Variants in KITLG observed in about 807,000 individuals in gnomAD.
KITLG encodes KIT ligand.
A neutral mutation model predicts 34.1 loss-of-function variants in KITLG; 13 were observed. That is an observed-to-expected ratio of 0.38 (90% confidence interval 0.25 to 0.61). The LOEUF (loss-of-function observed/expected upper bound fraction) is 0.61. KITLG is among the 20% of genes least tolerant of loss of function. The pLI is 0.60. For synonymous variants in KITLG, 110 were observed against 104.0 expected (o/e 1.06, Z -0.35); for missense variants, 292 against 318.9 (o/e 0.92, Z 0.64).
chr12:88,543,500 C>T (rs975439276), intron 2 of KITLG, among the ~76,000 whole-genome samples: 1 of 152,032 alleles, frequency 6.6e-6, no homozygotes, highest in Non-Finnish European at 1.5e-5. Context: ...TTTTCTTTAT[C>T]CAGTCTTCTA....
At chr12:88,524,789 A>C (rs1195666960) in intron 3 of KITLG, among the ~76,000 whole-genome samples, 1 of 152,218 alleles carries the variant, frequency 6.6e-6, no homozygotes, top group Non-Finnish European at 1.5e-5. Flanking sequence ...TATTTTATTC[A>C]TTCAACTAAC....
chr12:88,506,540 C>G (rs948237518), intron 7 of KITLG, among the ~76,000 whole-genome samples, 162 bp from the exon 8 acceptor site: 1 of 152,092 alleles, frequency 6.6e-6, no homozygotes, highest in African/African-American at 2.4e-5. Flanking sequence ...ATTATGAAAG[C>G]TGCATGGTAC....
chr12:88,509,955 T>C (rs1406175001), intron 6 of KITLG, among the ~76,000 whole-genome samples: 1 of 152,040 alleles, frequency 6.6e-6, no homozygotes, highest in Admixed American at 6.6e-5. Flanking sequence ...GACAACAAAG[T>C]TTTGATTTTA....
chr12:88,536,189 T>C (rs1234003066), intron 2 of KITLG, among the ~76,000 whole-genome samples: 1 of 152,056 alleles, frequency 6.6e-6, no homozygotes, highest in Non-Finnish European at 1.5e-5. Context: ...TATAAGGAAC[T>C]TAAACAATTC....
intron 1 of KITLG, 134 bp downstream of exon 1, chr12:88,580,130 C>T: frequency 1.0e-6 from 1 of 953,512 alleles, no homozygotes; most frequent in South Asian, 1.4e-5. Flanking sequence ...GCCTCCCCCG[C>T]ATCCTCTTGT....
At chr12:88,500,160 AC>A (rs1296592097) in intron 9 of KITLG, among the ~76,000 whole-genome samples, 1 of 152,188 alleles carries the variant, frequency 6.6e-6, no homozygotes, top group Non-Finnish European at 1.5e-5. Flanking sequence ...CACAGTTTCT[AC>A]TTTGGGACTA....
chr12:88,520,136 TTTAG>T (rs1203749104), intron 3 of KITLG, among the ~76,000 whole-genome samples: 1 of 152,192 alleles, frequency 6.6e-6, no homozygotes, highest in Non-Finnish European at 1.5e-5. Flanking sequence ...AACATGGGAA[TTTAG>T]TTCAAGTGGC....
At position 88,546,151 on chromosome 12, in the gene KITLG, A is replaced by C. The variant is rs919175388; in HGVS notation, c.16-286T>G. ...CAATTAGGAATAAACTTGTAGCAGC[A>C]TGTTAAAGACTTAGCCCTTAGGGTA... is the stretch of plus-strand genomic sequence containing the variant. On this transcript the variant is annotated intron_variant, in intron 1 of 9. Transcript: ENST00000644744. The C allele has an allele frequency of 1.9e-4, 89 of 477,746 alleles. 1 individual carries two copies. Among genetic ancestry groups the C allele is most frequent in the Middle Eastern group, 1.0e-3 (3 of 3,004 alleles). 29.6% of individuals were successfully genotyped at this position (477,746 alleles called of 1,614,324 possible).
intron 6 of KITLG, among the ~76,000 whole-genome samples, chr12:88,510,520 G>T (rs1869237468): frequency 6.6e-6 from 1 of 152,128 alleles, no homozygotes; most frequent in African/African-American, 2.4e-5. Flanking sequence ...GGAAGGTTGG[G>T]TCAAGACTAT....
At chr12:88,552,741 T>C (rs1296943834) in intron 1 of KITLG, among the ~76,000 whole-genome samples, 1 of 151,688 alleles carries the variant, frequency 6.6e-6, no homozygotes, top group Non-Finnish European at 1.5e-5. Context: ...TAAACAAAGG[T>C]TTCCAAGGGC....
At position 88,516,449 on chromosome 12, in the gene KITLG, A is replaced by G. The variant is rs1869460663; in HGVS notation, c.405T>C (p.Phe135=). The G allele has an allele frequency of 6.2e-7, 1 of 1,607,604 alleles. No homozygotes were observed. Among genetic ancestry groups the G allele is most frequent in the Non-Finnish European group, 8.5e-7 (1 of 1,176,702 alleles). Reference sequence around the variant, plus strand: ...AAATTCTAAAGAATTCTTCAGGAGTAAAGAGCCTGGGTTCTGGGCTCTTGA... The same window carrying G: ...AAATTCTAAAGAATTCTTCAGGAGTGAAGAGCCTGGGTTCTGGGCTCTTGA... The part of the protein sequence containing the change: ...KSFKSPEPRL[F]TPEEFFRIFN... Residue 135 remains phenylalanine, a synonymous_variant, in exon 5 of 10, where the codon TTT becomes TTC. Transcript: ENST00000644744.
intron 2 of KITLG, among the ~76,000 whole-genome samples, chr12:88,543,247 G>A (rs1028032153): frequency 1.6e-4 from 25 of 152,020 alleles, no homozygotes; most frequent in African/African-American, 5.8e-4. Context: ...TTCTCCAAAC[G>A]CTATCCCTCT....
rs11835671 is a variant in KITLG, at chr12:88,534,984, C to T, written c.130-2481G>A. 9.9e-3 allele frequency among the ~76,000 whole-genome samples: 1,504 copies of T among 152,120 alleles called. 26 individuals are homozygous for T. The highest frequency in any genetic ancestry group is 0.03 in the African/African-American group (1,261 of 41,498). ...ATTAAAGGCATTCCAGATAGAAAAA[C>T]GCAGCAAGAAGTGGCAGGTATTCTG... On this transcript the variant is annotated intron_variant, in intron 2 of 9. Transcript: ENST00000644744.
At chr12:88,516,966 G>C (rs1405102667) in intron 4 of KITLG, among the ~76,000 whole-genome samples, 3 of 151,740 alleles carry the variant, frequency 2.0e-5, no homozygotes, top group African/African-American at 7.2e-5. Context: ...TGGTACATTT[G>C]ATATTATCCA....
chr12:88,531,126 C>A (rs1009958413), intron 3 of KITLG, among the ~76,000 whole-genome samples: 1 of 152,164 alleles, frequency 6.6e-6, no homozygotes, highest in African/African-American at 2.4e-5. Context: ...TATAAGCGAA[C>A]TTCAAAGTAT....
At chr12:88,535,242 A>G (rs755108578) in intron 2 of KITLG, among the ~76,000 whole-genome samples, 1 of 152,196 alleles carries the variant, frequency 6.6e-6, no homozygotes, top group Non-Finnish European at 1.5e-5. Flanking sequence ...AAACACTGAA[A>G]TCTACATTCT....
intron 1 of KITLG, among the ~76,000 whole-genome samples, chr12:88,547,178 C>T (rs2120915832): frequency 6.6e-6 from 1 of 152,294 alleles, no homozygotes; most frequent in East Asian, 1.9e-4. Context: ...TAGAAATCTT[C>T]TCTATTTACA....
Position 88,518,760 on chromosome 12 carries a change from G to A in KITLG, c.300C>T (p.Ile100=). The change falls in exon 4 of 10, where the codon ATC becomes ATT. Residue 100 remains isoleucine (I), a synonymous_variant. Transcript: ENST00000644744. ...NISEGLSNYS[I]IDKLVNIVDD... ...CCACTATATTCACAAGTTTGTCTATGATGGAATAATTACTCAAGCCTTCAG... is the reference window on the plus strand; with the variant it reads ...CCACTATATTCACAAGTTTGTCTATAATGGAATAATTACTCAAGCCTTCAG... 1 of 1,613,244 alleles carries A rather than the reference G, an allele frequency of 6.2e-7. No homozygotes were observed. Among genetic ancestry groups the A allele is most frequent in the Non-Finnish European group, 8.5e-7 (1 of 1,179,316 alleles).
chr12:88,568,618 C>T (rs1260552399), intron 1 of KITLG, among the ~76,000 whole-genome samples: 1 of 151,980 alleles, frequency 6.6e-6, no homozygotes, highest in Non-Finnish European at 1.5e-5. Context: ...TGTCTAACTC[C>T]AAACCCCATG....
Sources: gnomAD v4.1 joint callset for allele counts (sites outside exome capture counted in the v4.1 genomes callset) on GRCh38, gnomAD v4.1.1 for gene constraint, MANE v1.5 for transcripts, NCBI Gene and HGNC (gene_info 2026-07-23, HGNC 2026-07-21) for gene names.